Variants in FAM89A observed in about 807,000 individuals in gnomAD.
FAM89A encodes protein FAM89A.
In FAM89A, 10 loss-of-function variants were observed where a neutral mutation model predicts 7.1. The ratio of observed to expected loss-of-function variants is 1.40; its 90% CI spans 0.86 to 2.38. The LOEUF (loss-of-function observed/expected upper bound fraction) is 2.38, where lower values mean the gene tolerates loss of function less well. Ranked by LOEUF, FAM89A falls within the 30% of genes most tolerant of loss-of-function variation. FAM89A has a pLI of 0.00. For missense variants in FAM89A, 276 were observed against 262.8 expected (o/e 1.05, Z -0.35); for synonymous variants, 157 against 129.3 (o/e 1.21, Z -1.45).
intron 1 of FAM89A, among the ~76,000 whole-genome samples, chr1:231,024,481 A>T (rs1679928628): frequency 6.6e-6 from 1 of 151,720 alleles, no homozygotes; most frequent in Non-Finnish European, 1.5e-5. Context: ...TGGCCTGAAT[A>T]GACCATAAAA....
chr1:231,021,890 A>C, intron 1 of FAM89A: 1 of 1,568,884 alleles, frequency 6.4e-7, no homozygotes, highest in Non-Finnish European at 8.8e-7. Context: ...CTGCATGGTG[A>C]GCAGTGACGA....
chr1:231,023,437 G>A (rs1679914158), intron 1 of FAM89A, among the ~76,000 whole-genome samples: 1 of 152,162 alleles, frequency 6.6e-6, no homozygotes, highest in Admixed American at 6.5e-5. Context: ...TTACAGTGCC[G>A]GCATGCCTCC....
In FAM89A at chr1:231,026,281, C is replaced by T. The variant is rs1182929312; in HGVS notation, c.292-6155G>A. ...GGTACATGAGAAGGAACCAGATGGT[C>T]ACCTTCGCTCAGAAGACAGCCAGCA... On this transcript the variant is annotated intron_variant, in intron 1 of 1. Transcript: ENST00000366654. 6 of 152,848 alleles carry T rather than the reference C, an allele frequency of 3.9e-5. No individual in the cohort carries two copies. In the Admixed American group the frequency reaches 3.9e-4, roughly 10 times the overall value. 9.5% of individuals were successfully genotyped at this position (152,848 alleles called of 1,614,324 possible). A position where few individuals can be genotyped will look rare whatever the true frequency, so the allele number is the denominator to read the frequency against.
chr1:231,024,551 T>C (rs199570035), intron 1 of FAM89A, among the ~76,000 whole-genome samples: 1 of 58,968 alleles, frequency 1.7e-5, no homozygotes, highest in Non-Finnish European at 4.1e-5. Context: ...CACACACACA[T>C]TTAGAGATGG....
intron 1 of FAM89A, among the ~76,000 whole-genome samples, chr1:231,036,062 A>C (rs1178173178): frequency 6.6e-6 from 1 of 152,206 alleles, no homozygotes. Flanking sequence ...AAATGGAGGG[A>C]AAAAACAAAA....
chr1:231,021,557 T>C, intron 1 of FAM89A: 1 of 1,053,760 alleles, frequency 9.5e-7, no homozygotes, highest in Non-Finnish European at 1.5e-6. Flanking sequence ...CCTGCAAACC[T>C]TGGTATAGAT....
rs770866214 is a variant in FAM89A, at chr1:231,020,088, T to C, written c.330A>G (p.Gln110=). The change falls in exon 2 of 2, where the codon CAA becomes CAG. Residue 110 remains glutamine (Q), a synonymous_variant. Transcript: ENST00000366654. ...LRQLDMSLLC[Q]LYSLYESIQE... ...GAATCGACTCGTAGAGGCTGTACAG[T>C]TGGCAGAGCAAGGACATGTCCAGCT... 12 of 1,613,452 alleles carry C rather than the reference T, an allele frequency of 7.4e-6. No individual in the cohort carries two copies. Among genetic ancestry groups the C allele is most frequent in the Non-Finnish European group, 6.8e-6 (8 of 1,179,770 alleles).
intron 1 of FAM89A, among the ~76,000 whole-genome samples, chr1:231,031,804 C>T (rs1032267749): frequency 2.0e-5 from 3 of 152,050 alleles, no homozygotes; most frequent in Non-Finnish European, 2.9e-5. Context: ...ATATAGTTAC[C>T]ATATTCTTTT....
rs150281521 is a variant in FAM89A at position 231,020,127 on chromosome 1, C to G, written c.292-1G>C. ...ACATGTCCAGCTGGCGGAGACCAACCTTGAGGGAAGGGGTGGGGAGGTAAA... is the reference window on the plus strand; with the variant it reads ...ACATGTCCAGCTGGCGGAGACCAACGTTGAGGGAAGGGGTGGGGAGGTAAA... On this transcript the variant is annotated splice_acceptor_variant, in intron 1 of 1. Transcript: ENST00000366654. LOFTEE classifies it high-confidence loss of function. 85 of 1,601,542 alleles carry G rather than the reference C, an allele frequency of 5.3e-5. No homozygotes were observed. The highest frequency in any genetic ancestry group is 7.1e-5 in the Non-Finnish European group (83 of 1,171,152).
intron 1 of FAM89A, among the ~76,000 whole-genome samples, chr1:231,031,248 G>C (rs944256057): frequency 6.6e-6 from 1 of 152,150 alleles, no homozygotes; most frequent in Admixed American, 6.5e-5. Context: ...AGTAAATGAA[G>C]AAAATCTGGC....
chr1:231,025,271 C>T (rs1679948398), intron 1 of FAM89A, among the ~76,000 whole-genome samples: 2 of 152,118 alleles, frequency 1.3e-5, no homozygotes, highest in Admixed American at 1.3e-4. Context: ...TAGGAAGAGA[C>T]CTCAGCTGCA....
At chr1:231,031,725 T>TA (rs1210405368) in intron 1 of FAM89A, among the ~76,000 whole-genome samples, 1 of 152,220 alleles carries the variant, frequency 6.6e-6, no homozygotes, top group African/African-American at 2.4e-5. Flanking sequence ...TCTCTACTGT[T>TA]ACCACATACA....
At chr1:231,036,626 A>G (rs1438865481) in intron 1 of FAM89A, among the ~76,000 whole-genome samples, 1 of 151,968 alleles carries the variant, frequency 6.6e-6, no homozygotes, top group African/African-American at 2.4e-5. Context: ...GGAGGGCATC[A>G]GCAGTCATGA....
At chr1:231,022,319 C>T (rs1423016077) in intron 1 of FAM89A, 3 of 635,368 alleles carry the variant, frequency 4.7e-6, no homozygotes. Context: ...TTTCCAACCC[C>T]TTCCTTTTGT....
chr1:231,027,764 C>T (rs1248331719), intron 1 of FAM89A, among the ~76,000 whole-genome samples: 2 of 152,194 alleles, frequency 1.3e-5, no homozygotes, highest in South Asian at 2.1e-4. Context: ...CCCGACTGTC[C>T]CCCATGACAC....
chr1:231,037,299 T>C (rs1220275616), intron 1 of FAM89A, among the ~76,000 whole-genome samples: 2 of 152,218 alleles, frequency 1.3e-5, no homozygotes, highest in Non-Finnish European at 2.9e-5. Context: ...TAACAGAAGA[T>C]ATCCCAAAAT....
chr1:231,019,775 A>G lies in FAM89A; in HGVS notation c.*88T>C. ...TGTGCCCGAGGACCGTCCACAACGG[A>G]GGTGCTTTCTTGCAAGAGAAGCAGC... On this transcript the variant is annotated 3_prime_UTR_variant, in exon 2 of 2. Coordinates refer to ENST00000366654, the MANE Select transcript of FAM89A (RefSeq NM_198552.3). 1 of 1,459,984 alleles carries G rather than the reference A, an allele frequency of 6.8e-7. No individual in the cohort carries two copies. The highest frequency in any genetic ancestry group is 1.3e-5 in the South Asian group (1 of 76,782). The allele number at this position is 1,459,984 out of a possible 1,614,324, so 90.4% of individuals were successfully genotyped here.
rs779604263 is a variant in FAM89A, at chr1:231,019,822, TAGGA to T, written c.*37_*40del. ...CAGCAAATGATGACAGCGTGTCCAG[TAGGA>T]AGGGCTTCCCAACAGTCACATCCCT... is the stretch of plus-strand genomic sequence containing the variant. On this transcript the variant is annotated 3_prime_UTR_variant, in exon 2 of 2. Coordinates refer to ENST00000366654, the MANE Select transcript of FAM89A (RefSeq NM_198552.3). The T allele has an allele frequency of 3.3e-5, 52 of 1,593,362 alleles. No homozygotes were observed. Among genetic ancestry groups the T allele is most frequent in the Admixed American group, 6.8e-5 (4 of 58,862 alleles).
intron 1 of FAM89A, chr1:231,022,247 A>G: frequency 1.2e-6 from 1 of 828,616 alleles, no homozygotes. Context: ...ATCTGCCTCC[A>G]TTTTCCTGAG....
Sources: allele counts gnomAD v4.1 joint callset (sites outside exome capture counted in the v4.1 genomes callset), GRCh38; gene constraint gnomAD v4.1.1; transcripts MANE v1.5; gene names NCBI Gene and HGNC (gene_info 2026-07-23, HGNC 2026-07-21).